Variants in COL4A4 observed in about 807,000 individuals in gnomAD.
COL4A4 encodes collagen alpha-4(IV) chain.
COL4A4 carries 105 observed loss-of-function variants against 192.9 expected under a neutral mutation model. The ratio of observed to expected loss-of-function variants is 0.54; its 90% CI spans 0.46 to 0.64. The LOEUF is 0.64. Ranked by LOEUF, COL4A4 falls within the 30% of genes least tolerant of loss-of-function variation. COL4A4 has a pLI of 0.00. For missense variants in COL4A4, 1,967 were observed against 2,169.3 expected, an observed-to-expected ratio of 0.91 and a Z score of 1.85; for synonymous variants, 762 against 769.9, an observed-to-expected ratio of 0.99 and a Z score of 0.17.
At chr2:227,119,729 T>C (rs2061676774) in intron 6 of COL4A4, among the ~76,000 whole-genome samples, 166 bp downstream of exon 6, 3 of 148,738 alleles carry the variant, frequency 2.0e-5, no homozygotes, top group Admixed American at 6.7e-5. Flanking sequence ...AAGATATATA[T>C]ATATTACGTT....
chr2:227,007,331 A>G lies in COL4A4; in HGVS notation c.5067T>C (p.Tyr1689=). 6.2e-7 allele frequency: 1 copy of G among 1,614,214 alleles called. No homozygotes were observed. Among genetic ancestry groups the G allele is most frequent in the South Asian group, 1.1e-5 (1 of 91,090 alleles). ...TTGGTGAATTTCGCATTCTCTAGCT[A>G]TACTTCACGCAGACCTGGCACCGGC... ...KISRCQVCVK[Y]S is the part of the protein sequence containing the mutation. Residue 1689 remains tyrosine, a synonymous_variant, in exon 48 of 48, where the codon TAT becomes TAC. Transcript: ENST00000396625.
In COL4A4 at chr2:227,032,180, G is replaced by A. The variant is rs1431031337; in HGVS notation, c.3674C>T (p.Pro1225Leu). ...PGSPGISPPGPRGKKGPPGPP... is the reference protein window; with the variant it reads ...PGSPGISPPGLRGKKGPPGPP... ...TCCTGGGGGACCTTTCTTTCCACGAGGACCTGGAGGAGAGATTCCTGGGCT... is the reference window on the plus strand; with the variant it reads ...TCCTGGGGGACCTTTCTTTCCACGAAGACCTGGAGGAGAGATTCCTGGGCT... Residue 1225 changes from proline to leucine, a missense_variant, in exon 39 of 48, where the codon CCT becomes CTT. Physicochemically the swap from Pro to Leu is moderately conservative, Grantham distance 98 (BLOSUM62 -3). Transcript: ENST00000396625. 13 of 1,614,064 alleles carry A rather than the reference G, an allele frequency of 8.1e-6. No individual in the cohort carries two copies. The highest frequency in any genetic ancestry group is 1.0e-5 in the Non-Finnish European group (12 of 1,180,006).
Position 227,121,263 on chromosome 2 carries a change from T to C in COL4A4, c.193-115A>G, listed in dbSNP as rs1448506323. ...CTTGGAAATTAGATTTGCACAACTC[T>C]AATAATAGAAACAAATGGCTGGAGA... On this transcript the variant is annotated intron_variant, in intron 4 of 47. Coordinates refer to ENST00000396625, the MANE Select transcript of COL4A4 (RefSeq NM_000092.5). 6 of 1,209,562 alleles carry C rather than the reference T, an allele frequency of 5.0e-6. No homozygotes were observed. The African/African-American group carries it at 7.6e-5, about 15-fold the overall frequency. 74.9% of individuals were successfully genotyped at this position (1,209,562 alleles called of 1,614,324 possible).
chr2:227,139,357 C>T (rs2063040788), intron 4 of COL4A4, among the ~76,000 whole-genome samples: 1 of 152,238 alleles, frequency 6.6e-6, no homozygotes. Context: ...CTATACCACA[C>T]TCCTTTCTTG....
chr2:227,156,590 A>C (rs1408635766), intron 1 of COL4A4, among the ~76,000 whole-genome samples: 1 of 152,146 alleles, frequency 6.6e-6, no homozygotes, highest in East Asian at 1.9e-4. Flanking sequence ...AGTTAGTTAG[A>C]AGGAGATATA....
At chr2:226,990,459 C>T in the COL4A4 span, among the ~76,000 whole-genome samples, 3 of 152,154 alleles carry the variant, frequency 2.0e-5, no homozygotes, top group Non-Finnish European at 2.9e-5. Flanking sequence ...TGCTATCCTG[C>T]GACTCCAGTA....
At chr2:226,977,762 G>A in the COL4A4 span, among the ~76,000 whole-genome samples, 4 of 152,164 alleles carry the variant, frequency 2.6e-5, no homozygotes, top group Admixed American at 6.5e-5. Context: ...AATCTTTTGA[G>A]GTTTAGCAGC....
chr2:227,000,140 T>C (rs1559380564), downstream of COL4A4, among the ~76,000 whole-genome samples: 1 of 152,342 alleles, frequency 6.6e-6, no homozygotes, highest in East Asian at 1.9e-4. Flanking sequence ...TAATTATTAA[T>C]GGAATTGAAC....
At chr2:227,054,778 T>A in intron 30 of COL4A4, 41 bp from the exon 31 acceptor site, 2 of 1,580,402 alleles carry the variant, frequency 1.3e-6, no homozygotes, top group Non-Finnish European at 1.7e-6. Context: ...AAATATTTTA[T>A]TTGTTATTTA....
In COL4A4 at chr2:227,098,713, T is replaced by C; in HGVS notation, c.1185A>G (p.Arg395=). The C allele has an allele frequency of 6.2e-7, 1 of 1,614,088 alleles. No individual in the cohort carries two copies. The highest frequency in any genetic ancestry group is 8.5e-7 in the Non-Finnish European group (1 of 1,179,956). ...CCGTACCTGCACAGGCTTCCCCTGG[T>C]CTGCCCAAGAGACCTGGGGGACCAG... is the stretch of plus-strand genomic sequence containing the variant. The part of the protein sequence containing the change: ...GPPGPPGLLG[R]PGEACAGMIG... Residue 395 remains arginine (R), a synonymous_variant, in exon 19 of 48, where the codon AGA becomes AGG. Transcript: ENST00000396625.
chr2:226,987,221 A>G, the COL4A4 span, among the ~76,000 whole-genome samples: 366 of 152,214 alleles, frequency 2.4e-3, 1 homozygote, highest in African/African-American at 8.2e-3. Flanking sequence ...CAAATACCCA[A>G]TGCATCTGGG....
chr2:226,995,406 TTTTCCTTTGGC>T, the COL4A4 span: 1 of 1,484,188 alleles, frequency 6.7e-7, no homozygotes, highest in South Asian at 1.2e-5. Flanking sequence ...AATGATTGAT[TTTTCCTTTGGC>T]TTTCTCACTA....
chr2:227,141,252 T>C (rs1229471559), intron 3 of COL4A4, among the ~76,000 whole-genome samples: 1 of 152,232 alleles, frequency 6.6e-6, no homozygotes, highest in Non-Finnish European at 1.5e-5. Flanking sequence ...TAGCTGTCAT[T>C]GCAACATTTA....
At position 227,060,118 on chromosome 2, in the gene COL4A4, A is replaced by AAAAAAAAAAAAAAAAAAAAAAAAT; in HGVS notation, c.2164+17_2164+18insATTTTTTTTTTTTTTTTTTTTTTT. 7.3e-7 allele frequency: 1 copy of AAAAAAAAAAAAAAAAAAAAAAAAT among 1,372,248 alleles called. No individual in the cohort carries two copies. 85.0% of individuals were successfully genotyped at this position (1,372,248 alleles called of 1,614,324 possible). On this transcript the variant is annotated intron_variant, in intron 27 of 47. Coordinates refer to ENST00000396625, the MANE Select transcript of COL4A4 (RefSeq NM_000092.5). ...CCAAAGCAGAAAAAAAAAAAAAAAA[A>AAAAAAAAAAAAAAAAAAAAAAAAT]AAAAAAACCTCACTGACCAGGTGGA... is the stretch of plus-strand genomic sequence containing the variant.
the COL4A4 span, chr2:226,995,884 C>G: frequency 9.5e-6 from 2 of 210,838 alleles, no homozygotes; most frequent in Non-Finnish European, 1.9e-5. Context: ...AAGATTAGTC[C>G]CTCATTCTGC....
chr2:226,988,430 G>C, the COL4A4 span: 9 of 1,550,388 alleles, frequency 5.8e-6, no homozygotes, highest in South Asian at 9.5e-5. Context: ...CCTGAAGCAG[G>C]CCGCAGTTTG....
intron 17 of COL4A4, among the ~76,000 whole-genome samples, chr2:227,100,997 A>G (rs1317207895): frequency 6.6e-6 from 1 of 151,790 alleles, no homozygotes; most frequent in Non-Finnish European, 1.5e-5. Flanking sequence ...TTTAGTAGAG[A>G]CGGGGTTTCA....
chr2:226,997,340 CTTT>C, the COL4A4 span: 5 of 152,216 alleles, frequency 3.3e-5, no homozygotes, highest in Non-Finnish European at 5.9e-5. Flanking sequence ...GAAGTAACTT[CTTT>C]GTTTCATGCC....
intron 25 of COL4A4, 112 bp downstream of exon 25, chr2:227,077,782 T>A: frequency 1.0e-6 from 1 of 983,138 alleles, no homozygotes; most frequent in East Asian, 2.6e-5. Context: ...ACTACTCGGG[T>A]GACAGGTACA....
Sources: allele counts gnomAD v4.1 joint callset (sites outside exome capture counted in the v4.1 genomes callset), GRCh38; gene constraint gnomAD v4.1.1; transcripts MANE v1.5; gene names NCBI Gene and HGNC (gene_info 2026-07-23, HGNC 2026-07-21).